The following TRPM1 variants were observed in gnomAD, a reference collection of about 807,000 sequenced individuals.
TRPM1 encodes the protein TRPM1-203 APA Isoform, Intron 10.
TRPM1 carries 113 observed loss-of-function variants against 149.4 expected under a neutral mutation model. That is an observed-to-expected ratio of 0.76 (90% CI 0.65 to 0.88). The LOEUF is 0.88. Ranked by LOEUF, TRPM1 falls within the 40% of genes least tolerant of loss-of-function variation. The pLI, the probability that TRPM1 is intolerant of heterozygous loss-of-function variation, is 0.00. For synonymous variants in TRPM1, 741 were observed against 759.5 expected (o/e 0.98, Z 0.40); for missense variants, 1,976 against 2,038.7 (o/e 0.97, Z 0.59).
intron 7 of TRPM1, 79 bp from the exon 8 acceptor site, chr15:31,063,371 G>C: frequency 6.4e-7 from 1 of 1,574,380 alleles, no homozygotes; most frequent in Non-Finnish European, 8.7e-7. Flanking sequence ...TGAAGTATGG[G>C]GAAGAGTAAA....
chr15:31,116,336 C>T (rs760942118), intron 1 of TRPM1, among the ~76,000 whole-genome samples: 3 of 152,074 alleles, frequency 2.0e-5, no homozygotes, highest in Admixed American at 6.6e-5. Flanking sequence ...TGCCCGGCGC[C>T]GTGGCTCATG....
chr15:31,062,765 G>C lies in TRPM1; in HGVS notation c.966-63C>G, dbSNP rs900167146. The C allele has an allele frequency of 3.9e-6, 6 of 1,547,172 alleles. No individual in the cohort carries two copies. The Admixed American group carries it at 1.0e-4, about 26-fold the overall frequency. On this transcript the variant is annotated intron_variant, in intron 8 of 27. Coordinates refer to ENST00000256552, the MANE Select transcript of TRPM1 (RefSeq NM_001252024.2). ...GTTAAATCTATATATGAATGAGTCA[G>C]ACATATCTCTGTCTTTGATTTGAGA...
At chr15:31,035,478 A>T in intron 21 of TRPM1, 68 bp downstream of exon 21, 3 of 1,609,496 alleles carry the variant, frequency 1.9e-6, no homozygotes, top group Non-Finnish European at 2.5e-6. Flanking sequence ...ACGTTTTTTC[A>T]GTAAGGAGCC....
At position 31,138,687 on chromosome 15, in the gene TRPM1, A is replaced by G. The variant is rs188520539; in HGVS notation, c.54+22219T>C. 2.4e-4 allele frequency among the ~76,000 whole-genome samples: 36 copies of G among 152,250 alleles called. No homozygotes were observed. The East Asian group carries it at 5.6e-3, about 24-fold the overall frequency. On this transcript the variant is annotated intron_variant, in intron 1 of 26. Coordinates refer to the TRPM1 transcript ENST00000542188. ...AGCCTGGGTGACATAGTGGGACCTCATCTCTATTTACAACTAAATAAATAA... is the reference window on the plus strand; with the variant it reads ...AGCCTGGGTGACATAGTGGGACCTCGTCTCTATTTACAACTAAATAAATAA...
At chr15:31,105,470 T>C (rs946049408), upstream of TRPM1, among the ~76,000 whole-genome samples, 21,348 of 117,960 alleles carry the variant, frequency 0.18, 1,806 homozygotes, top group Non-Finnish European at 0.2. Context: ...TGTGTGTGTG[T>C]GTGCGCGCGC....
At chr15:31,081,468 C>G (rs1486891650) in intron 1 of TRPM1, 30 bp from the exon 2 acceptor site, 20 of 1,402,624 alleles carry the variant, frequency 1.4e-5, no homozygotes, top group Non-Finnish European at 1.8e-5. Flanking sequence ...GAGTAAGAGT[C>G]ACTTTGCCTG....
chr15:31,151,053 A>C (rs2036296794), intron 1 of TRPM1, among the ~76,000 whole-genome samples: 1 of 152,112 alleles, frequency 6.6e-6, no homozygotes, highest in Non-Finnish European at 1.5e-5. Flanking sequence ...CAACTGCAAA[A>C]ACAGCAACCC....
intron 23 of TRPM1, among the ~76,000 whole-genome samples, chr15:31,029,963 T>C (rs763810290): frequency 4.6e-5 from 7 of 152,226 alleles, no homozygotes; most frequent in Non-Finnish European, 8.8e-5. Context: ...AACGTGTATG[T>C]ATATCTACCT....
chr15:31,110,592 T>A (rs2141023309), intron 1 of TRPM1, among the ~76,000 whole-genome samples: 1 of 152,298 alleles, frequency 6.6e-6, no homozygotes, highest in Middle Eastern at 3.4e-3. Context: ...CCGTTCTCCG[T>A]AGGCCGCCCA....
chr15:31,089,546 G>C (rs1241871653), intron 1 of TRPM1, among the ~76,000 whole-genome samples: 1 of 152,206 alleles, frequency 6.6e-6, no homozygotes, highest in Non-Finnish European at 1.5e-5. Context: ...GCGGTGGATG[G>C]GGGGCCGAGA....
intron 21 of TRPM1, among the ~76,000 whole-genome samples, chr15:31,035,209 G>A (rs1336143386): frequency 6.6e-6 from 1 of 152,140 alleles, no homozygotes; most frequent in African/African-American, 2.4e-5. Context: ...TCACCATGTT[G>A]GCCAGGCTGG....
chr15:31,088,401 A>C (rs1328128010), intron 1 of TRPM1, among the ~76,000 whole-genome samples: 1 of 152,204 alleles, frequency 6.6e-6, no homozygotes, highest in Non-Finnish European at 1.5e-5. Flanking sequence ...TGCTGCAAGC[A>C]GAAAGTGTCT....
chr15:31,032,103 T>G (rs997572592), intron 22 of TRPM1, among the ~76,000 whole-genome samples: 4 of 150,936 alleles, frequency 2.7e-5, no homozygotes, highest in Non-Finnish European at 4.4e-5. Context: ...TAAAGAATGC[T>G]GAAAATATGT....
chr15:31,144,929 T>C (rs1441564516), intron 1 of TRPM1, among the ~76,000 whole-genome samples: 1 of 152,074 alleles, frequency 6.6e-6, no homozygotes, highest in Non-Finnish European at 1.5e-5. Flanking sequence ...TTGGTCAGGC[T>C]GATCTCGAGC....
chr15:31,076,043 T>C (rs879595381), intron 3 of TRPM1, among the ~76,000 whole-genome samples: 3 of 152,160 alleles, frequency 2.0e-5, no homozygotes, highest in Admixed American at 6.5e-5. Flanking sequence ...CTATGTGCCA[T>C]TGAAATAAGA....
intron 1 of TRPM1, among the ~76,000 whole-genome samples, chr15:31,113,680 A>G (rs140968605): frequency 4.8e-4 from 73 of 151,964 alleles, no homozygotes; most frequent in African/African-American, 1.5e-3. Flanking sequence ...CCCACGTTTT[A>G]AGACTACTGT....
At chr15:31,143,695 G>A (rs1479385650) in intron 1 of TRPM1, among the ~76,000 whole-genome samples, 1 of 151,874 alleles carries the variant, frequency 6.6e-6, no homozygotes, top group Non-Finnish European at 1.5e-5. Context: ...TTACAGGCAT[G>A]AGTCATTGTG....
At chr15:31,060,137 A>ACACACATACACG in intron 11 of TRPM1, 1 of 281,512 alleles carries the variant, frequency 3.6e-6, no homozygotes. Context: ...ACACATAGAC[A>ACACACATACACG]CACACACATA....
chr15:31,021,781 T>A (rs891301233), intron 27 of TRPM1, among the ~76,000 whole-genome samples: 4 of 152,004 alleles, frequency 2.6e-5, no homozygotes, highest in African/African-American at 9.7e-5. Context: ...CCAGAAAGTT[T>A]TGGGGGAATC....
Sources: gnomAD v4.1 joint callset for allele counts (sites outside exome capture counted in the v4.1 genomes callset) on GRCh38, gnomAD v4.1.1 for gene constraint, MANE v1.5 for transcripts, NCBI Gene and HGNC (gene_info 2026-07-23, HGNC 2026-07-21) for gene names.